EIF3A: variants seen among roughly 807,000 people sequenced by gnomAD.
EIF3A encodes the protein EIF3, p180 subunit.
EIF3A carries 21 observed loss-of-function variants against 186.6 expected under a neutral mutation model. The ratio of observed to expected loss-of-function variants is 0.11; its 90% CI spans 0.08 to 0.16. EIF3A has a LOEUF of 0.16. EIF3A is among the 10% of genes least tolerant of loss of function. EIF3A has a pLI of 1.00. For synonymous variants in EIF3A, 563 were observed against 584.3 expected (o/e 0.96, Z 0.52); for missense variants, 1,306 against 1,796.3 (o/e 0.73, Z 4.93).
rs1270788974 is a variant in EIF3A at position 119,042,482 on chromosome 10, T to C, written c.3038A>G (p.Asp1013Gly). 6.2e-7 allele frequency: 1 copy of C among 1,614,116 alleles called. No individual in the cohort carries two copies. The highest frequency in any genetic ancestry group is 1.1e-5 in the South Asian group (1 of 91,066). Residue 1013 changes from aspartate to glycine, a missense_variant, in exon 19 of 22, where the codon GAT becomes GGT. Physicochemically the swap from Asp to Gly is moderately conservative, Grantham distance 94. Transcript: ENST00000369144. This position sits in a 1 kb window ranked among gnomAD's most constrained non-coding sequence, Gnocchi z 7.8. ...DEDRGNWRHA[D>G]DDRPPRRGLD... Reference sequence around the variant, plus strand: ...TCCTCGTCTAGGTGGTCTGTCATCATCCGCATGACGCCAGTTTCCCCTGTC... The same window carrying C: ...TCCTCGTCTAGGTGGTCTGTCATCACCCGCATGACGCCAGTTTCCCCTGTC...
chr10:119,077,549 C>T (rs867079134), intron 1 of EIF3A, among the ~76,000 whole-genome samples: 1 of 150,718 alleles, frequency 6.6e-6, no homozygotes, highest in Non-Finnish European at 1.5e-5. Context: ...GAATTTAGTT[C>T]CTCCGAATTT....
At position 119,080,703 on chromosome 10, in the gene EIF3A, C is replaced by A. The variant is rs1301560349; in HGVS notation, c.-27G>T. ...TTGGCGGCAGGCTCAGCTCACCCGG[C>A]GTCAGCGAACTCTCTAGTGGCCCGG... On this transcript the variant is annotated 5_prime_UTR_variant, in exon 1 of 22. Coordinates refer to ENST00000369144, the MANE Select transcript of EIF3A (RefSeq NM_003750.4). 2.5e-6 allele frequency: 4 copies of A among 1,580,338 alleles called. No homozygotes were observed. The highest frequency in any genetic ancestry group is 2.3e-5 in the East Asian group (1 of 42,956).
intron 19 of EIF3A, among the ~76,000 whole-genome samples, chr10:119,039,396 C>G (rs887880661): frequency 2.6e-5 from 4 of 151,574 alleles, no homozygotes; most frequent in African/African-American, 9.7e-5. Flanking sequence ...AGTGGCCAGG[C>G]GTGGTGGCTC....
chr10:119,065,123 T>C (rs1843950232), intron 7 of EIF3A, among the ~76,000 whole-genome samples: 1 of 152,188 alleles, frequency 6.6e-6, no homozygotes, highest in South Asian at 2.1e-4. Context: ...ATGACTCTTC[T>C]TGCCCATCAT....
intron 1 of EIF3A, among the ~76,000 whole-genome samples, chr10:119,079,062 C>T (rs1181750535): frequency 2.0e-5 from 3 of 151,990 alleles, no homozygotes; most frequent in African/African-American, 7.3e-5. Context: ...TTCTAACTTT[C>T]GAAACGACGA....
Position 119,073,840 on chromosome 10 carries a change from T to C in EIF3A, c.147A>G (p.Pro49=). 1 of 1,613,980 alleles carries C rather than the reference T, an allele frequency of 6.2e-7. No homozygotes were observed. Among genetic ancestry groups the C allele is most frequent in the Non-Finnish European group, 8.5e-7 (1 of 1,179,946 alleles). Residue 49 remains proline, a synonymous_variant, in exon 2 of 22, where the codon CCA becomes CCG. Coordinates refer to ENST00000369144, the MANE Select transcript of EIF3A (RefSeq NM_003750.4). ...AAAGTTCCAAGTATTTCAACATAAT[T>C]GGTTCGTGTATCTTTTGCCATGTTC... ...KHRTWQKIHE[P]IMLKYLELCV... is the part of the protein sequence containing the mutation.
At chr10:119,079,068 G>C (rs767168236) in intron 1 of EIF3A, among the ~76,000 whole-genome samples, 1 of 152,138 alleles carries the variant, frequency 6.6e-6, no homozygotes, top group East Asian at 1.9e-4. Flanking sequence ...CTTTCGAAAC[G>C]ACGAAAAGTC....
At chr10:119,037,072 C>CCCCAA in intron 21 of EIF3A, 47 bp downstream of exon 21, 3 of 639,982 alleles carry the variant, frequency 4.7e-6, no homozygotes, top group East Asian at 5.8e-5. Context: ...CCCCCCCCCC[C>CCCCAA]AGAAACGACA....
chr10:119,057,731 C>T (rs1024017150), intron 12 of EIF3A, among the ~76,000 whole-genome samples: 3 of 152,080 alleles, frequency 2.0e-5, no homozygotes, highest in Non-Finnish European at 4.4e-5. Context: ...GCTGAGATCA[C>T]GTCACTGCAC....
chr10:119,036,373 G>T, intron 21 of EIF3A, 105 bp from the exon 22 acceptor site: 2 of 687,434 alleles, frequency 2.9e-6, no homozygotes. Flanking sequence ...AGAAATCATT[G>T]TTAAATACAG....
chr10:119,040,666 T>C (rs562052719), intron 19 of EIF3A, among the ~76,000 whole-genome samples: 1 of 151,164 alleles, frequency 6.6e-6, no homozygotes, highest in Non-Finnish European at 1.5e-5. Flanking sequence ...AGGTCAGGAG[T>C]TCGAGAGCAG....
rs1181463664 is a variant in EIF3A at position 119,038,357 on chromosome 10, C to A, written c.3609G>T (p.Trp1203Cys). 2 of 1,613,976 alleles carry A rather than the reference C, an allele frequency of 1.2e-6. No homozygotes were observed. The highest frequency in any genetic ancestry group is 1.7e-6 in the Non-Finnish European group (2 of 1,180,026). Residue 1203 changes from tryptophan (W) to cysteine (C), a missense_variant, in exon 20 of 22, where the codon TGG becomes TGT. This residue lies in a region of EIF3A where 331 missense variants were observed against 365.8 expected (regional missense o/e 0.90). Transcript: ENST00000369144. ...RESRPSEERE[W>C]DREKERDRDN... ...CTCTGTCCCTTTCTTTTTCTCTGTC[C>A]CATTCACGTTCTTCTGATGGCCTTG...
At chr10:119,067,103 C>G (rs1843993310) in intron 6 of EIF3A, among the ~76,000 whole-genome samples, 1 of 151,998 alleles carries the variant, frequency 6.6e-6, no homozygotes, top group Non-Finnish European at 1.5e-5. Context: ...GTAATCCCAG[C>G]TACTTGGGAG....
At chr10:119,075,043 G>T (rs1473515073) in intron 1 of EIF3A, among the ~76,000 whole-genome samples, 1 of 142,040 alleles carries the variant, frequency 7.0e-6, no homozygotes, top group African/African-American at 2.6e-5. Context: ...GTACACTGGC[G>T]TCATCTCAGC....
intron 6 of EIF3A, among the ~76,000 whole-genome samples, chr10:119,067,439 A>G (rs890933784): frequency 6.6e-6 from 1 of 152,118 alleles, no homozygotes; most frequent in Non-Finnish European, 1.5e-5. Flanking sequence ...AAAAAATTAA[A>G]CATTAGCTGG....
At position 119,058,233 on chromosome 10, in the gene EIF3A, C is replaced by T. The variant is rs751996758; in HGVS notation, c.1700G>A (p.Arg567Gln). The change falls in exon 12 of 22, where the codon CGG becomes CAG. Residue 567 changes from arginine (R) to glutamine (Q), a missense_variant. By Grantham distance (43) the Arg-to-Gln change is conservative. Transcript: ENST00000369144. The part of the protein sequence containing the change: ...YLKNSRKEHQ[R>Q]ILARRQTIEE... ...AATTGTCTGGCGGCGAGCCAGGATCCGCTGGTGCTCTTTTCGTGAATTTTT... is the reference window on the plus strand; with the variant it reads ...AATTGTCTGGCGGCGAGCCAGGATCTGCTGGTGCTCTTTTCGTGAATTTTT... 16 of 1,612,890 alleles carry T rather than the reference C, an allele frequency of 9.9e-6. No homozygotes were observed. The highest frequency in any genetic ancestry group is 8.9e-5 in the East Asian group (4 of 44,880).
chr10:119,066,115 CAAAAAAG>C (rs1167345607), intron 6 of EIF3A, among the ~76,000 whole-genome samples: 2 of 141,918 alleles, frequency 1.4e-5, no homozygotes, highest in East Asian at 4.2e-4. Context: ...GACTCTGTCT[CAAAAAAG>C]AAAAAAAAAG....
intron 20 of EIF3A, among the ~76,000 whole-genome samples, chr10:119,038,019 C>T (rs946764624): frequency 1.0e-4 from 15 of 145,276 alleles, no homozygotes; most frequent in Non-Finnish European, 2.1e-4. Context: ...CGGGTTCAAG[C>T]AATTCTCCTG....
intron 6 of EIF3A, among the ~76,000 whole-genome samples, chr10:119,067,961 C>A (rs1014148908): frequency 6.6e-6 from 1 of 152,106 alleles, no homozygotes; most frequent in Non-Finnish European, 1.5e-5. Context: ...CAGGCGTGCA[C>A]CACCACACCC....
Sources: allele counts gnomAD v4.1 joint callset (sites outside exome capture counted in the v4.1 genomes callset), GRCh38; gene constraint gnomAD v4.1.1; regional missense constraint gnomAD v4.1.1; non-coding constraint Gnocchi (gnomAD v3.1); transcripts MANE v1.5; gene names NCBI Gene and HGNC (gene_info 2026-07-23, HGNC 2026-07-21).